VPS13C: variants seen among roughly 807,000 people sequenced by gnomAD.
VPS13C encodes intermembrane lipid transfer protein VPS13C.
VPS13C carries 358 observed loss-of-function variants against 456.8 expected under a neutral mutation model. That is an observed-to-expected ratio of 0.78 (90% CI 0.72 to 0.86). The LOEUF (loss-of-function observed/expected upper bound fraction) is 0.86, where lower values mean the gene tolerates loss of function less well. VPS13C is among the 40% of genes least tolerant of loss of function. The pLI, the probability that VPS13C is intolerant of heterozygous loss-of-function variation, is 0.00. For missense variants in VPS13C, 4,818 were observed against 4,385.4 expected (o/e 1.10, Z -2.79); for synonymous variants, 1,578 against 1,486.7 (o/e 1.06, Z -1.41).
chr15:61,986,849 A>C (rs911248562), intron 18 of VPS13C, among the ~76,000 whole-genome samples: 1 of 152,140 alleles, frequency 6.6e-6, no homozygotes. Context: ...CAAAACTCAG[A>C]AAATCATTAA....
At position 61,961,657 on chromosome 15, in the gene VPS13C, A is replaced by C; in HGVS notation, c.3840T>G (p.Asp1280Glu). ...RVHNQFSLVS[D>E]EDYLNPPVID... Reference sequence around the variant, plus strand: ...TTACTGGAGGATTTAAGTAGTCTTCATCAGACACCAGACTGAACTGATTAT... The same window carrying C: ...TTACTGGAGGATTTAAGTAGTCTTCCTCAGACACCAGACTGAACTGATTAT... Residue 1280 changes from aspartate (D) to glutamate (E), a missense_variant, in exon 35 of 85, where the codon GAT becomes GAG. Coordinates refer to ENST00000644861, the MANE Select transcript of VPS13C (RefSeq NM_020821.3). The C allele has an allele frequency of 6.2e-7, 1 of 1,613,976 alleles. No homozygotes were observed. The highest frequency in any genetic ancestry group is 1.1e-5 in the South Asian group (1 of 91,052).
At chr15:61,931,034 C>T (rs1407628886) in intron 50 of VPS13C, 56 bp downstream of exon 50, 2 of 1,594,904 alleles carry the variant, frequency 1.3e-6, no homozygotes, top group Non-Finnish European at 1.7e-6. Context: ...GCCTGGCAGC[C>T]ATGCAGGTGC....
chr15:61,928,417 G>A (rs11637967), intron 51 of VPS13C, among the ~76,000 whole-genome samples: 9,883 of 152,096 alleles, frequency 0.065, 354 homozygotes, highest in Non-Finnish European at 0.081. Context: ...AATCTATACT[G>A]TAAATATATT....
chr15:61,909,871 G>A (rs2043253050), intron 64 of VPS13C, among the ~76,000 whole-genome samples: 1 of 150,346 alleles, frequency 6.7e-6, no homozygotes, highest in African/African-American at 2.4e-5. Context: ...GCAAACTATG[G>A]CAAGGACAAA....
chr15:62,040,282 T>C lies in VPS13C; in HGVS notation c.187+1042A>G, dbSNP rs112290505. Among the ~76,000 whole-genome samples the C allele has an allele frequency of 7.9e-3, 1,205 of 152,294 alleles. 15 individuals are homozygous for C. The highest frequency in any genetic ancestry group is 0.028 in the African/African-American group (1,155 of 41,562). On this transcript the variant is annotated intron_variant, in intron 3 of 84. Transcript: ENST00000644861. ...GATAAAATGAATAAGACCCAGTATT[T>C]GATGGCACAACAGGGTGACTACATT... is the stretch of plus-strand genomic sequence containing the variant.
intron 6 of VPS13C, among the ~76,000 whole-genome samples, chr15:62,027,019 T>C (rs1399900675): frequency 1.3e-5 from 2 of 152,022 alleles, no homozygotes; most frequent in South Asian, 2.1e-4. Context: ...CTTAGTATTA[T>C]TATGAAAATC....
Position 61,868,780 on chromosome 15 carries a change from A to G in VPS13C, c.10749-7T>C. On this transcript the variant is annotated splice_region_variant and splice_polypyrimidine_tract_variant and intron_variant, in intron 80 of 84. Coordinates refer to ENST00000644861, the MANE Select transcript of VPS13C (RefSeq NM_020821.3). ...CTCAGTTGATTCTGCTGCCCTGAAT[A>G]AGGCATCAGAGTAAGTGTAAGAAAA... The G allele has an allele frequency of 6.2e-7, 1 of 1,609,392 alleles. No homozygotes were observed. Among genetic ancestry groups the G allele is most frequent in the Non-Finnish European group, 8.5e-7 (1 of 1,177,036 alleles).
chr15:61,903,357 T>G (rs1274693154), intron 66 of VPS13C, among the ~76,000 whole-genome samples: 1 of 150,772 alleles, frequency 6.6e-6, no homozygotes, highest in Non-Finnish European at 1.5e-5. Context: ...ATCAACTGCA[T>G]AGCTTTATGC....
At chr15:62,031,034 T>C (rs569384039) in intron 5 of VPS13C, among the ~76,000 whole-genome samples, 79 of 152,230 alleles carry the variant, frequency 5.2e-4, no homozygotes, top group African/African-American at 1.8e-3. Context: ...TATGATAGCC[T>C]TCCAGAAAAA....
chr15:61,989,122 G>A (rs2046145924), intron 18 of VPS13C, among the ~76,000 whole-genome samples: 1 of 151,642 alleles, frequency 6.6e-6, no homozygotes, highest in South Asian at 2.1e-4. Flanking sequence ...TGGGAGTGGT[G>A]GCTCACACCT....
intron 21 of VPS13C, among the ~76,000 whole-genome samples, chr15:61,981,796 G>T (rs1322525709): frequency 6.6e-6 from 1 of 152,106 alleles, no homozygotes; most frequent in Non-Finnish European, 1.5e-5. Context: ...CCAGGAGGCG[G>T]AGCTTGCAGT....
At chr15:61,916,232 T>A (rs2043468653) in intron 60 of VPS13C, among the ~76,000 whole-genome samples, 1 of 152,200 alleles carries the variant, frequency 6.6e-6, no homozygotes, top group African/African-American at 2.4e-5. Flanking sequence ...AAACTGACTT[T>A]GGCCATTAGG....
chr15:61,915,841 G>A lies in VPS13C; in HGVS notation c.8237C>T (p.Thr2746Ile), dbSNP rs2043454533. ...FFPVCFSSDSTEVTTVDLSVH... is the reference protein window; with the variant it reads ...FFPVCFSSDSIEVTTVDLSVH... ...TGACAGGTCGACTGTCGTCACTTCT[G>A]TGGAGTCAGAAGAAAAACACACAGG... Residue 2746 changes from threonine to isoleucine, a missense_variant, in exon 61 of 85, where the codon ACA becomes ATA. Thr to Ile is a moderately conservative substitution (Grantham distance 89, BLOSUM62 -1). This residue lies in a region of VPS13C where 4,552 missense variants were observed against 4,130.6 expected (regional missense o/e 1.10). Transcript: ENST00000644861. 1.9e-6 allele frequency: 3 copies of A among 1,614,012 alleles called. No homozygotes were observed. The highest frequency in any genetic ancestry group is 2.5e-6 in the Non-Finnish European group (3 of 1,180,018).
Position 61,917,256 on chromosome 15 carries a change from C to G in VPS13C, c.8055+85G>C, listed in dbSNP as rs1301643690. 8 of 1,396,468 alleles carry G rather than the reference C, an allele frequency of 5.7e-6. No individual in the cohort carries two copies. The Admixed American group carries it at 1.1e-4, about 19-fold the overall frequency. 86.5% of individuals were successfully genotyped at this position (1,396,468 alleles called of 1,614,324 possible). ...CATTACACATACGCTATATAAAACA[C>G]TGACCTCACTTAAAAATACCATAAA... On this transcript the variant is annotated intron_variant, in intron 60 of 84. Transcript: ENST00000644861.
chr15:61,915,622 C>T lies in VPS13C; in HGVS notation c.8445+11G>A, dbSNP rs762567639. On this transcript the variant is annotated intron_variant, in intron 61 of 84. Coordinates refer to ENST00000644861, the MANE Select transcript of VPS13C (RefSeq NM_020821.3). ...TATCTGCTTTAACTTATTATGTGAA[C>T]AAAACCACACCTTATTTTTAGTAAA... The T allele has an allele frequency of 1.3e-6, 2 of 1,563,240 alleles. No homozygotes were observed. Among genetic ancestry groups the T allele is most frequent in the Admixed American group, 3.9e-5 (2 of 50,884 alleles).
intron 52 of VPS13C, among the ~76,000 whole-genome samples, chr15:61,926,372 G>C (rs28510295): frequency 1.3e-5 from 2 of 152,212 alleles, no homozygotes; most frequent in African/African-American, 2.4e-5. Flanking sequence ...TGCACTAAAG[G>C]CTAGGTGACG....
At chr15:62,016,051 G>C (rs919264586) in intron 9 of VPS13C, among the ~76,000 whole-genome samples, 8 of 136,930 alleles carry the variant, frequency 5.8e-5, no homozygotes, top group African/African-American at 2.2e-4. Context: ...TTTCTGCTCT[G>C]TTCTTCAATG....
chr15:62,051,323 A>C (rs902030393), intron 1 of VPS13C, among the ~76,000 whole-genome samples: 6 of 152,208 alleles, frequency 3.9e-5, no homozygotes, highest in Non-Finnish European at 8.8e-5. Context: ...AAATCTTTAT[A>C]TTTTAGAAAA....
At chr15:62,011,953 A>C (rs999423461) in intron 12 of VPS13C, among the ~76,000 whole-genome samples, 154 bp downstream of exon 12, 11 of 151,966 alleles carry the variant, frequency 7.2e-5, no homozygotes, top group African/African-American at 2.4e-4. Context: ...ATTCCTAAAT[A>C]ATAAGTTATA....
Sources: gnomAD v4.1 joint callset for allele counts (sites outside exome capture counted in the v4.1 genomes callset) on GRCh38, gnomAD v4.1.1 for gene constraint, gnomAD v4.1.1 regional missense constraint, MANE v1.5 for transcripts, NCBI Gene and HGNC (gene_info 2026-07-23, HGNC 2026-07-21) for gene names.